The following CDHR3 variants were observed in gnomAD, a reference collection of about 807,000 sequenced individuals.
CDHR3 encodes cadherin-related family member 3.
In CDHR3, 79 loss-of-function variants were observed where a neutral mutation model predicts 86.6. The observed-to-expected ratio is 0.91, with a 90% CI of 0.76 to 1.10. The LOEUF (loss-of-function observed/expected upper bound fraction) is 1.10, where lower values mean the gene tolerates loss of function less well. CDHR3 is among the 50% of genes least tolerant of loss of function. The probability of loss-of-function intolerance (pLI) is 0.00; values close to 1 mark genes in which losing one functional copy is unlikely to be tolerated. For synonymous variants in CDHR3, 421 were observed against 402.4 expected (o/e 1.05, Z -0.55); for missense variants, 1,081 against 1,077.6 (o/e 1.00, Z -0.04).
chr7:105,988,666 C>T (rs907341484), intron 4 of CDHR3, among the ~76,000 whole-genome samples: 1 of 152,134 alleles, frequency 6.6e-6, no homozygotes, highest in Non-Finnish European at 1.5e-5. Flanking sequence ...TTTAGTGAAA[C>T]TTAAAAAGCA....
chr7:105,974,993 A>G lies in CDHR3; in HGVS notation c.196A>G (p.Asn66Asp). The G allele has an allele frequency of 1.9e-6, 3 of 1,613,912 alleles. No individual in the cohort carries two copies. Among genetic ancestry groups the G allele is most frequent in the Non-Finnish European group, 2.5e-6 (3 of 1,179,864 alleles). ...AGGATTTCCCCAGATAGTCAACTCA[A>G]ATCCCCTCACTGAAGCTTTTAGGGT... is the stretch of plus-strand genomic sequence containing the variant. ...IPGFPQIVNS[N>D]PLTEAFRVNW... Residue 66 changes from asparagine (N) to aspartate (D), a missense_variant, in exon 2 of 19, where the codon AAT becomes GAT. By Grantham distance (23) the Asn-to-Asp change is conservative. Transcript: ENST00000317716.
At chr7:106,026,789 G>C in intron 16 of CDHR3, 94 bp downstream of exon 16, 1 of 1,307,758 alleles carries the variant, frequency 7.6e-7, no homozygotes. Flanking sequence ...ATCAGGCCGC[G>C]ATCACATCTT....
chr7:105,983,030 G>A (rs557548617), intron 3 of CDHR3, among the ~76,000 whole-genome samples: 21 of 148,348 alleles, frequency 1.4e-4, no homozygotes, highest in Admixed American at 6.7e-4. Context: ...GTCCTTCCCC[G>A]CTACAGTTAA....
In CDHR3 at chr7:106,035,758, G is replaced by A. The variant is rs547562558; in HGVS notation, c.*3061G>A. The A allele has an allele frequency of 6.6e-6, 1 of 152,174 alleles. No individual in the cohort carries two copies. The highest frequency in any genetic ancestry group is 6.5e-5 in the Admixed American group (1 of 15,292). 9.4% of individuals were successfully genotyped at this position (152,174 alleles called of 1,614,324 possible). On this transcript the variant is annotated 3_prime_UTR_variant, in exon 19 of 19. Transcript: ENST00000317716. The stretch of plus-strand genomic sequence containing the variant: ...ACTGAAGTGGAGTTACAAAGGTCAC[G>A]CTCCTGTGCAAACATCTGATTGGTT...
intron 1 of CDHR3, among the ~76,000 whole-genome samples, chr7:105,967,908 C>T (rs1201427016): frequency 6.6e-6 from 1 of 152,152 alleles, no homozygotes; most frequent in Non-Finnish European, 1.5e-5. Context: ...TGTAGGTTGC[C>T]TGTTGACTCT....
intron 1 of CDHR3, among the ~76,000 whole-genome samples, chr7:105,973,068 C>T (rs1828219752): frequency 6.6e-6 from 1 of 152,170 alleles, no homozygotes; most frequent in African/African-American, 2.4e-5. Context: ...TCTACTGTCC[C>T]TACCCACTCC....
At chr7:106,010,644 G>T (rs891589868) in intron 8 of CDHR3, among the ~76,000 whole-genome samples, 1 of 152,218 alleles carries the variant, frequency 6.6e-6, no homozygotes, top group Non-Finnish European at 1.5e-5. Context: ...GATTTTATCT[G>T]CCATGAAAAG....
chr7:106,028,916 T>TTCTCTTTCTTTCTTTCTC (rs1491327817), intron 17 of CDHR3, among the ~76,000 whole-genome samples: 15 of 82,998 alleles, frequency 1.8e-4, no homozygotes, highest in African/African-American at 5.6e-4. Context: ...GAGATTTAAA[T>TTCTCTTTCTTTCTTTCTC]TTTCTTTCTT....
At chr7:105,965,567 A>ACG (rs1554507726) in intron 1 of CDHR3, among the ~76,000 whole-genome samples, 1 of 78,194 alleles carries the variant, frequency 1.3e-5, no homozygotes, top group African/African-American at 3.9e-5. Flanking sequence ...CTCAAGCCCC[A>ACG]CCCCCCCCCA....
intron 5 of CDHR3, among the ~76,000 whole-genome samples, chr7:105,995,169 T>G (rs1831997577): frequency 6.6e-6 from 1 of 152,204 alleles, no homozygotes; most frequent in African/African-American, 2.4e-5. Flanking sequence ...AGGTTTTCAC[T>G]GATGCTACTT....
At position 106,004,652 on chromosome 7, in the gene CDHR3, C is replaced by T. The variant is rs761353969; in HGVS notation, c.1017C>T (p.Asn339=). The part of the protein sequence containing the change: ...IQITFIVEDV[N]DNPATCQKFT... The stretch of plus-strand genomic sequence containing the variant: ...TAACCTTCATTGTGGAAGACGTCAA[C>T]GACAATCCTGCCACATGCCAAAAGT... Residue 339 remains asparagine, a synonymous_variant, in exon 8 of 19, where the codon AAC becomes AAT. Coordinates refer to ENST00000317716, the MANE Select transcript of CDHR3 (RefSeq NM_152750.5). The T allele has an allele frequency of 5.3e-5, 86 of 1,614,000 alleles. No individual in the cohort carries two copies. The highest frequency in any genetic ancestry group is 3.3e-4 in the African/African-American group (25 of 75,048).
At chr7:105,988,833 A>G (rs1471068853) in intron 4 of CDHR3, among the ~76,000 whole-genome samples, 2 of 152,236 alleles carry the variant, frequency 1.3e-5, no homozygotes, top group Non-Finnish European at 2.9e-5. Flanking sequence ...ATTAATTTTA[A>G]TAGCTTATTT....
intron 15 of CDHR3, among the ~76,000 whole-genome samples, chr7:106,026,442 A>G (rs890636370): frequency 1.3e-5 from 2 of 152,200 alleles, no homozygotes; most frequent in Non-Finnish European, 2.9e-5. Context: ...ATAAGGTGAT[A>G]CTTTTCAACT....
At chr7:106,026,012 A>G (rs1021084938) in intron 15 of CDHR3, among the ~76,000 whole-genome samples, 1 of 152,230 alleles carries the variant, frequency 6.6e-6, no homozygotes, top group African/African-American at 2.4e-5. Flanking sequence ...AACGTTAAAT[A>G]TGCACCTTGA....
At chr7:106,031,173 T>A (rs568429151) in intron 18 of CDHR3, among the ~76,000 whole-genome samples, 1 of 152,314 alleles carries the variant, frequency 6.6e-6, no homozygotes, top group African/African-American at 2.4e-5. Flanking sequence ...GAATCCACAT[T>A]TTTTTTCCTG....
Position 106,033,046 on chromosome 7 carries a change from T to G in CDHR3, c.*349T>G. The G allele has an allele frequency of 4.5e-6, 1 of 222,990 alleles. No individual in the cohort carries two copies. The allele number at this position is 222,990 out of a possible 1,614,324, so 13.8% of individuals were successfully genotyped here. On this transcript the variant is annotated 3_prime_UTR_variant, in exon 19 of 19. Coordinates refer to ENST00000317716, the MANE Select transcript of CDHR3 (RefSeq NM_152750.5). ...ACCATAGAAAGTTTGTAGGAATTCCTGACATAAATAGTGAAGACTATCCTT... is the reference window on the plus strand; with the variant it reads ...ACCATAGAAAGTTTGTAGGAATTCCGGACATAAATAGTGAAGACTATCCTT...
At chr7:105,983,599 G>C (rs1338279179) in intron 3 of CDHR3, among the ~76,000 whole-genome samples, 2 of 152,112 alleles carry the variant, frequency 1.3e-5, no homozygotes, top group African/African-American at 4.8e-5. Context: ...CCCTTGGTCA[G>C]TGCTGGTACC....
Position 106,001,613 on chromosome 7 carries a change from A to G in CDHR3, c.862+3A>G. The G allele has an allele frequency of 6.2e-7, 1 of 1,613,902 alleles. No homozygotes were observed. The highest frequency in any genetic ancestry group is 8.5e-7 in the Non-Finnish European group (1 of 1,179,808). ...CAAATATTTCATGATAAATCAGTGT[A>G]AGCCACTCACTTCCATCCTTAAGTG... On this transcript the variant is annotated splice_donor_region_variant and intron_variant, in intron 7 of 18. Coordinates refer to ENST00000317716, the MANE Select transcript of CDHR3 (RefSeq NM_152750.5).
intron 8 of CDHR3, among the ~76,000 whole-genome samples, chr7:106,006,652 G>A (rs960028356): frequency 6.6e-6 from 1 of 152,244 alleles, no homozygotes; most frequent in African/African-American, 2.4e-5. Flanking sequence ...GCTCATGCAA[G>A]AGGTGGGTTC....
Sources: gnomAD v4.1 joint callset for allele counts (sites outside exome capture counted in the v4.1 genomes callset) on GRCh38, gnomAD v4.1.1 for gene constraint, MANE v1.5 for transcripts, NCBI Gene and HGNC (gene_info 2026-07-23, HGNC 2026-07-21) for gene names.